GLIS1: variants seen among roughly 807,000 people sequenced by gnomAD.
GLIS1 encodes zinc finger protein GLIS1.
In GLIS1, 24 loss-of-function variants were observed where a neutral mutation model predicts 63.8. The ratio of observed to expected loss-of-function variants is 0.38; its 90% CI spans 0.27 to 0.53. The LOEUF is 0.53. Among genes scored for constraint, GLIS1 ranks in the 20% least tolerant of loss-of-function variants. GLIS1 has a pLI of 0.85. For missense variants in GLIS1, 1,036 were observed against 1,074.1 expected, an observed-to-expected ratio of 0.96 and a Z score of 0.50; for synonymous variants, 450 against 482.5, an observed-to-expected ratio of 0.93 and a Z score of 0.88.
intron 2 of GLIS1, among the ~76,000 whole-genome samples, chr1:53,618,198 C>T (rs2100589687): frequency 6.6e-6 from 1 of 152,364 alleles, no homozygotes; most frequent in African/African-American, 2.4e-5. Flanking sequence ...ACCTCCCCAA[C>T]CCTTGCCCAT....
intron 7 of GLIS1, among the ~76,000 whole-genome samples, chr1:53,518,010 C>CT (rs1644369483): frequency 6.6e-6 from 1 of 152,354 alleles, no homozygotes; most frequent in African/African-American, 2.4e-5. Context: ...CCACTTCAGG[C>CT]TGTAAAGCTG....
intron 6 of GLIS1, among the ~76,000 whole-genome samples, chr1:53,522,419 G>A (rs914751935): frequency 7.2e-5 from 11 of 152,300 alleles, no homozygotes; most frequent in African/African-American, 9.6e-5. Flanking sequence ...GCACTGGTCC[G>A]CTTGGGACAG....
At chr1:53,593,695 T>C (rs6662142) in intron 4 of GLIS1, among the ~76,000 whole-genome samples, 38,171 of 152,130 alleles carry the variant, frequency 0.25, 5,463 homozygotes, top group South Asian at 0.34. Flanking sequence ...GGATGGGTGG[T>C]GGTGAGGGCC....
At chr1:53,519,815 C>A (rs990224406) in intron 7 of GLIS1, among the ~76,000 whole-genome samples, 2 of 152,250 alleles carry the variant, frequency 1.3e-5, no homozygotes, top group Non-Finnish European at 2.9e-5. Flanking sequence ...AGTTCCTATC[C>A]TCTCAGAGCC....
intron 2 of GLIS1, among the ~76,000 whole-genome samples, chr1:53,609,266 C>CTTTTTTTTTTTTTTTTTTTTTTT: frequency 1.2e-5 from 1 of 81,378 alleles, no homozygotes; most frequent in Non-Finnish European, 2.1e-5. Context: ...GGGTTTAAAT[C>CTTTTTTTTTTTTTTTTTTTTTTT]TTTTTTTTTT....
intron 4 of GLIS1, among the ~76,000 whole-genome samples, chr1:53,581,252 C>T (rs888426498): frequency 1.3e-5 from 2 of 152,244 alleles, no homozygotes; most frequent in South Asian, 2.1e-4. Flanking sequence ...CCTCCCTGGG[C>T]GGACAGTCCC....
intron 2 of GLIS1, among the ~76,000 whole-genome samples, chr1:53,706,381 G>A (rs1245699722): frequency 7.2e-5 from 11 of 152,194 alleles, no homozygotes; most frequent in Non-Finnish European, 2.9e-5. Context: ...AAAAAGATGC[G>A]TTCTTTTCCC....
At chr1:53,534,064 C>A (rs574489376) in intron 4 of GLIS1, among the ~76,000 whole-genome samples, 1 of 151,952 alleles carries the variant, frequency 6.6e-6, no homozygotes, top group African/African-American at 2.4e-5. Flanking sequence ...CCAATGAGTG[C>A]GAGGTAGCCT....
chr1:53,707,935 C>T (rs1451079821), intron 2 of GLIS1, among the ~76,000 whole-genome samples: 1 of 151,994 alleles, frequency 6.6e-6, no homozygotes, highest in Non-Finnish European at 1.5e-5. Context: ...TAGGCTGGTG[C>T]TTTCAGACAT....
intron 2 of GLIS1, among the ~76,000 whole-genome samples, chr1:53,679,321 A>T (rs561791566): frequency 3.0e-4 from 46 of 152,266 alleles, no homozygotes; most frequent in African/African-American, 1.1e-3. Context: ...AAATAACTAC[A>T]AGGCATTTCA....
chr1:53,574,033 T>C lies in GLIS1; in HGVS notation c.1320+20075A>G, dbSNP rs559940170. ...GCAGGCCAGCCAGCTCCTGCAAAGA[T>C]AGACCAACTGCTGCTCCATCCTGCA... is the stretch of plus-strand genomic sequence containing the variant. On this transcript the variant is annotated intron_variant, in intron 4 of 10. Coordinates refer to ENST00000628545, the MANE Select transcript of GLIS1 (RefSeq NM_001367484.1). This position sits in a 1 kb window ranked among gnomAD's most constrained non-coding sequence, Gnocchi z 4.2. Among the ~76,000 whole-genome samples the C allele has an allele frequency of 5.1e-4, 78 of 152,258 alleles. No individual in the cohort carries two copies. The highest frequency in any genetic ancestry group is 1.8e-3 in the African/African-American group (74 of 41,554).
intron 4 of GLIS1, among the ~76,000 whole-genome samples, chr1:53,562,630 A>G (rs1448791310): frequency 6.6e-6 from 1 of 152,004 alleles, no homozygotes; most frequent in African/African-American, 2.4e-5. Flanking sequence ...CAGGCATCCC[A>G]TCCCCTTAGG....
At chr1:53,628,991 T>C (rs1202359144) in intron 2 of GLIS1, among the ~76,000 whole-genome samples, 1 of 152,176 alleles carries the variant, frequency 6.6e-6, no homozygotes, top group Non-Finnish European at 1.5e-5. Context: ...ATCTGGGCTC[T>C]GCTCAGGTAG....
intron 4 of GLIS1, among the ~76,000 whole-genome samples, chr1:53,551,572 G>C (rs1360740460): frequency 6.6e-6 from 1 of 152,166 alleles, no homozygotes; most frequent in African/African-American, 2.4e-5. Context: ...GAGCCCTGGG[G>C]CTTAGAGTCC....
chr1:53,706,256 C>CA (rs1402498209), intron 2 of GLIS1, among the ~76,000 whole-genome samples: 1 of 152,184 alleles, frequency 6.6e-6, no homozygotes, highest in Non-Finnish European at 1.5e-5. Context: ...TTCTTAGCCC[C>CA]ATGCCATTCT....
At chr1:53,597,309 C>CTTGCAGT (rs1453769123) in intron 3 of GLIS1, among the ~76,000 whole-genome samples, 1 of 143,942 alleles carries the variant, frequency 6.9e-6, no homozygotes. Flanking sequence ...GGAGGCGGAG[C>CTTGCAGT]TTGCAGTGAG....
chr1:53,718,028 C>A (rs1646717770), intron 2 of GLIS1, among the ~76,000 whole-genome samples: 1 of 152,190 alleles, frequency 6.6e-6, no homozygotes, highest in South Asian at 2.1e-4. Context: ...CAGCTACAGC[C>A]CCCACTATAG....
rs138317590 is a variant in GLIS1, at chr1:53,562,956, G to A, written c.1320+31152C>T. On this transcript the variant is annotated intron_variant, in intron 4 of 10. Transcript: ENST00000628545. ...TATCATTGGTGACTATTTCACAGAT[G>A]AGGAAACGGAGGTTGTGCTTCTGGG... Among the ~76,000 whole-genome samples the A allele has an allele frequency of 4.6e-3, 703 of 152,336 alleles. 5 individuals carry two copies. Among genetic ancestry groups the A allele is most frequent in the African/African-American group, 0.016 (660 of 41,584 alleles).
At chr1:53,520,168 G>T (rs542530065) in intron 7 of GLIS1, among the ~76,000 whole-genome samples, 4 of 152,176 alleles carry the variant, frequency 2.6e-5, no homozygotes, top group Non-Finnish European at 4.4e-5. Context: ...CTGGAGGAGG[G>T]GACAAGGAGG....
Sources: gnomAD v4.1 joint callset for allele counts (sites outside exome capture counted in the v4.1 genomes callset) on GRCh38, gnomAD v4.1.1 for gene constraint, Gnocchi (gnomAD v3.1) non-coding constraint, MANE v1.5 for transcripts, NCBI Gene and HGNC (gene_info 2026-07-23, HGNC 2026-07-21) for gene names.